Variants in CNTNAP5 observed in about 807,000 individuals in gnomAD.
CNTNAP5 encodes the protein contactin-associated protein-like 5.
A neutral mutation model predicts 150.2 loss-of-function variants in CNTNAP5; 72 were observed. That is an observed-to-expected ratio of 0.48 (90% CI 0.40 to 0.58). The LOEUF is 0.58. Among genes scored for constraint, CNTNAP5 ranks in the 20% least tolerant of loss-of-function variants. The pLI is 0.00. For missense variants in CNTNAP5, 1,636 were observed against 1,626.2 expected (o/e 1.01, Z -0.10); for synonymous variants, 672 against 619.8 (o/e 1.08, Z -1.25).
At chr2:124,710,432 A>C (rs34853301) in intron 13 of CNTNAP5, among the ~76,000 whole-genome samples, 24,745 of 152,142 alleles carry the variant, frequency 0.16, 2,286 homozygotes, top group East Asian at 0.24. Flanking sequence ...TGTAATAGAA[A>C]ACCAATAGAT....
chr2:124,221,117 T>C (rs1686297701), intron 1 of CNTNAP5, among the ~76,000 whole-genome samples: 1 of 152,142 alleles, frequency 6.6e-6, no homozygotes, highest in Non-Finnish European at 1.5e-5. Context: ...AGATTCAGAA[T>C]ATACAAGATC....
At chr2:124,685,956 T>C (rs1369860186) in intron 13 of CNTNAP5, among the ~76,000 whole-genome samples, 1 of 152,098 alleles carries the variant, frequency 6.6e-6, no homozygotes, top group Non-Finnish European at 1.5e-5. Flanking sequence ...TAAATTTAGG[T>C]CATCTTCACA....
chr2:124,066,204 A>C (rs1489094562), intron 1 of CNTNAP5, among the ~76,000 whole-genome samples: 1 of 152,168 alleles, frequency 6.6e-6, no homozygotes, highest in Non-Finnish European at 1.5e-5. Flanking sequence ...TTCTTTCCCC[A>C]CATCTTGAAA....
chr2:124,789,089 A>G (rs967426274), intron 17 of CNTNAP5, among the ~76,000 whole-genome samples: 2 of 152,200 alleles, frequency 1.3e-5, no homozygotes, highest in African/African-American at 2.4e-5. Flanking sequence ...GCTCTGGTCT[A>G]TCCACCTTCC....
At chr2:124,285,813 A>C (rs1308667555) in intron 3 of CNTNAP5, among the ~76,000 whole-genome samples, 2 of 151,908 alleles carry the variant, frequency 1.3e-5, no homozygotes, top group African/African-American at 4.8e-5. Flanking sequence ...AAAAACAAAC[A>C]AACAAACAAA....
chr2:124,495,704 T>C (rs1257331150), intron 7 of CNTNAP5, among the ~76,000 whole-genome samples: 1 of 152,250 alleles, frequency 6.6e-6, no homozygotes, highest in African/African-American at 2.4e-5. Context: ...TGCCTGTCCA[T>C]AGTAATGCCA....
chr2:124,601,971 G>C (rs1487443571), intron 11 of CNTNAP5, among the ~76,000 whole-genome samples: 1 of 152,158 alleles, frequency 6.6e-6, no homozygotes, highest in Non-Finnish European at 1.5e-5. Flanking sequence ...CAGACGGGTA[G>C]CTCAATATCC....
chr2:124,577,075 A>G (rs1696299237), intron 11 of CNTNAP5, among the ~76,000 whole-genome samples: 1 of 152,228 alleles, frequency 6.6e-6, no homozygotes, highest in African/African-American at 2.4e-5. Context: ...TCCAGTAGCT[A>G]TAAGATTTAT....
intron 17 of CNTNAP5, among the ~76,000 whole-genome samples, chr2:124,786,182 A>G (rs1018011797): frequency 4.6e-5 from 7 of 151,496 alleles, no homozygotes; most frequent in Non-Finnish European, 7.4e-5. Context: ...GGATCGCTTG[A>G]ACTTTGGGAG....
At chr2:124,032,723 GT>G (rs1465532167) in intron 1 of CNTNAP5, among the ~76,000 whole-genome samples, 2 of 151,926 alleles carry the variant, frequency 1.3e-5, no homozygotes, top group African/African-American at 4.8e-5. Flanking sequence ...TGTTTCGATT[GT>G]TTTTGACAAA....
At position 124,830,205 on chromosome 2, in the gene CNTNAP5, G is replaced by T. The variant is rs572345573; in HGVS notation, c.3217+31885G>T. ...TTTGATCTTTGGGAAAACTGCAAAA[G>T]ATGTCAAAATGTTTAAAATACTTGA... is the stretch of plus-strand genomic sequence containing the variant. On this transcript the variant is annotated intron_variant, in intron 19 of 23. Coordinates refer to ENST00000682447, the MANE Select transcript of CNTNAP5 (RefSeq NM_001367498.1). Among the ~76,000 whole-genome samples, 3 of 151,938 alleles carry T rather than the reference G, an allele frequency of 2.0e-5. No individual in the cohort carries two copies. In the South Asian group the frequency reaches 6.2e-4, roughly 31 times the overall value.
chr2:124,586,543 A>G (rs1696541398), intron 11 of CNTNAP5, among the ~76,000 whole-genome samples: 1 of 152,208 alleles, frequency 6.6e-6, no homozygotes, highest in African/African-American at 2.4e-5. Flanking sequence ...TCATCTTCAA[A>G]TTCTTAAAAG....
chr2:124,258,781 A>G (rs909590168), intron 3 of CNTNAP5, among the ~76,000 whole-genome samples: 2 of 152,200 alleles, frequency 1.3e-5, no homozygotes, highest in African/African-American at 4.8e-5. Flanking sequence ...CCTTCCTACA[A>G]TAGGACATGT....
At chr2:124,784,789 C>T (rs929439570) in intron 17 of CNTNAP5, among the ~76,000 whole-genome samples, 4 of 152,102 alleles carry the variant, frequency 2.6e-5, no homozygotes, top group Non-Finnish European at 4.4e-5. Context: ...CCAGGCTTTG[C>T]CACATAAAAT....
At chr2:124,793,223 C>T (rs900958500) in intron 18 of CNTNAP5, among the ~76,000 whole-genome samples, 1 of 152,164 alleles carries the variant, frequency 6.6e-6, no homozygotes, top group Non-Finnish European at 1.5e-5. Flanking sequence ...TGATGATAGA[C>T]ATCTTACTGA....
At chr2:124,824,584 C>T (rs1482721356) in intron 19 of CNTNAP5, among the ~76,000 whole-genome samples, 1 of 152,096 alleles carries the variant, frequency 6.6e-6, no homozygotes, top group African/African-American at 2.4e-5. Flanking sequence ...GAAAAAAAAT[C>T]CATGGTTTGT....
chr2:124,349,874 CTT>C (rs70996061), intron 3 of CNTNAP5, among the ~76,000 whole-genome samples: 44 of 81,816 alleles, frequency 5.4e-4, no homozygotes, highest in Non-Finnish European at 8.9e-4. Flanking sequence ...CTGGCTATTT[CTT>C]TTTTTTTTTT....
intron 3 of CNTNAP5, among the ~76,000 whole-genome samples, chr2:124,327,833 C>T (rs540916858): frequency 5.9e-5 from 9 of 152,144 alleles, no homozygotes; most frequent in Non-Finnish European, 1.3e-4. Flanking sequence ...TGTACCCCAA[C>T]CACTTGGGCC....
At chr2:124,060,484 A>G (rs1206907553) in intron 1 of CNTNAP5, among the ~76,000 whole-genome samples, 2 of 152,242 alleles carry the variant, frequency 1.3e-5, no homozygotes, top group Non-Finnish European at 2.9e-5. Context: ...GAAAAGTCCC[A>G]GCAGAATTTG....
Sources: allele counts gnomAD v4.1 joint callset (sites outside exome capture counted in the v4.1 genomes callset), GRCh38; gene constraint gnomAD v4.1.1; transcripts MANE v1.5; gene names NCBI Gene and HGNC (gene_info 2026-07-23, HGNC 2026-07-21).